The following P4HA3 variants were observed in gnomAD, a reference collection of about 807,000 sequenced individuals.
P4HA3 encodes prolyl 4-hydroxylase subunit alpha 3.
In P4HA3, 60 loss-of-function variants were observed where a neutral mutation model predicts 66.7. That is an observed-to-expected ratio of 0.90 (90% CI 0.73 to 1.12). The LOEUF is 1.12. Among genes scored for constraint, P4HA3 ranks in the 50% most tolerant of loss-of-function variants. The pLI is 0.00. For missense variants in P4HA3, 683 were observed against 685.8 expected (o/e 1.00, Z 0.05); for synonymous variants, 263 against 274.6 (o/e 0.96, Z 0.42).
chr11:74,253,048 C>T (rs1306910222), intron 15 of P4HA3, among the ~76,000 whole-genome samples: 2 of 152,162 alleles, frequency 1.3e-5, no homozygotes, highest in Admixed American at 1.3e-4. Context: ...AGAAAGTTTG[C>T]AGAAGAAATA....
At chr11:74,287,464 A>T (rs1331819233) in intron 5 of P4HA3, among the ~76,000 whole-genome samples, 2 of 152,234 alleles carry the variant, frequency 1.3e-5, no homozygotes, top group African/African-American at 2.4e-5. Flanking sequence ...CTATAAAAGC[A>T]CAAAATTTGA....
At chr11:74,295,273 G>A (rs1462604883) in intron 4 of P4HA3, among the ~76,000 whole-genome samples, 1 of 152,090 alleles carries the variant, frequency 6.6e-6, no homozygotes, top group Non-Finnish European at 1.5e-5. Flanking sequence ...GAACTAAAAT[G>A]GAAACATTGC....
chr11:74,291,748 T>A (rs529188383), intron 4 of P4HA3, among the ~76,000 whole-genome samples: 1 of 152,274 alleles, frequency 6.6e-6, no homozygotes, highest in Non-Finnish European at 1.5e-5. Flanking sequence ...GGATTACATT[T>A]ACTGATTTGC....
downstream of P4HA3, among the ~76,000 whole-genome samples, chr11:74,263,453 A>G (rs973172595): frequency 3.3e-5 from 5 of 152,214 alleles, no homozygotes; most frequent in African/African-American, 1.2e-4. Flanking sequence ...GTGACAGCAA[A>G]ATAACATGGA....
intron 12 of P4HA3, 61 bp from the exon 13 acceptor site, chr11:74,267,379 GCAGACTGGTGCGCAC>G (rs1436354105): frequency 2.5e-6 from 4 of 1,591,716 alleles, no homozygotes; most frequent in Admixed American, 3.4e-5. Context: ...CAGCAATGCT[GCAGACTGGTGCGCAC>G]TCATAGGCGC....
At chr11:74,308,647 G>A (rs1236601512) in intron 1 of P4HA3, among the ~76,000 whole-genome samples, 1 of 152,098 alleles carries the variant, frequency 6.6e-6, no homozygotes, top group African/African-American at 2.4e-5. Flanking sequence ...CTGTTCATAA[G>A]TCACCTGAGA....
intron 10 of P4HA3, among the ~76,000 whole-genome samples, chr11:74,272,210 GCA>G (rs1156540137): frequency 6.2e-5 from 5 of 80,986 alleles, no homozygotes; most frequent in African/African-American, 3.1e-4. Flanking sequence ...GAGAGTGCAT[GCA>G]CACACATACA....
At chr11:74,274,846 C>A (rs1043812451) in intron 9 of P4HA3, among the ~76,000 whole-genome samples, 11 of 152,166 alleles carry the variant, frequency 7.2e-5, no homozygotes, top group Non-Finnish European at 1.6e-4. Flanking sequence ...ATCCTCACCA[C>A]CACTTGGTAT....
In P4HA3 at chr11:74,279,363, A is replaced by G. The variant is rs544948636; in HGVS notation, c.1175+25T>C. On this transcript the variant is annotated intron_variant, in intron 8 of 12. Coordinates refer to ENST00000331597, the MANE Select transcript of P4HA3 (RefSeq NM_182904.5). ...TACGGCCCGAGGGTGGGCAGCAGGTATGACCAAGGAAGGGCCCTTCTTACC... is the reference window on the plus strand; with the variant it reads ...TACGGCCCGAGGGTGGGCAGCAGGTGTGACCAAGGAAGGGCCCTTCTTACC... 4.5e-5 allele frequency: 72 copies of G among 1,609,004 alleles called. 1 individual carries two copies. In the South Asian group the frequency reaches 7.5e-4, roughly 17 times the overall value.
chr11:74,284,875 C>T (rs1190425199), intron 7 of P4HA3, among the ~76,000 whole-genome samples: 6 of 152,152 alleles, frequency 3.9e-5, no homozygotes, highest in Non-Finnish European at 8.8e-5. Context: ...TCCCAAAGCA[C>T]ACTCACTCAA....
chr11:74,272,819 T>C (rs1860252791), intron 10 of P4HA3, among the ~76,000 whole-genome samples: 1 of 152,188 alleles, frequency 6.6e-6, no homozygotes, highest in South Asian at 2.1e-4. Context: ...TTCTAATAAG[T>C]GATTAATTCT....
chr11:74,279,301 C>T (rs553076976), intron 8 of P4HA3, 87 bp downstream of exon 8: 1 of 1,236,588 alleles, frequency 8.1e-7, no homozygotes, highest in South Asian at 1.2e-5. Context: ...CTCTGGAGGT[C>T]CCTGAATGGC....
At chr11:74,290,801 T>C (rs1860992697) in intron 4 of P4HA3, among the ~76,000 whole-genome samples, 1 of 152,224 alleles carries the variant, frequency 6.6e-6, no homozygotes, top group Non-Finnish European at 1.5e-5. Flanking sequence ...TCCATTGGTC[T>C]ATATCTCTGT....
chr11:74,259,911 T>C (rs1859881910), intron 15 of P4HA3: 1 of 152,246 alleles, frequency 6.6e-6, no homozygotes, highest in Non-Finnish European at 1.5e-5. Context: ...TTCCATTCTT[T>C]CAGATACATA....
Position 74,298,261 on chromosome 11 carries a change from T to G in P4HA3, c.668A>C (p.Glu223Ala), listed in dbSNP as rs767611321. The G allele has an allele frequency of 8.7e-6, 14 of 1,614,118 alleles. No homozygotes were observed. In the East Asian group the frequency reaches 1.3e-4, roughly 15 times the overall value. ...ATCCAAGGCATCTTCTAGACTTGCC[T>G]CATCCTCTGTCTTCCACTCTCCGTA... ...GSYGEWKTED[E>A]ASLEDALDHL... The change falls in exon 4 of 13, where the codon GAG becomes GCG. Residue 223 changes from glutamate (E) to alanine (A), a missense_variant. By Grantham distance (107) the Glu-to-Ala change is moderately radical. Transcript: ENST00000331597.
intron 10 of P4HA3, among the ~76,000 whole-genome samples, chr11:74,269,967 T>A (rs968823186): frequency 1.3e-5 from 2 of 152,166 alleles, no homozygotes; most frequent in East Asian, 1.9e-4. Flanking sequence ...CCAGCTAACA[T>A]CCTTATTGAG....
intron 10 of P4HA3, among the ~76,000 whole-genome samples, chr11:74,270,015 C>A (rs1360603054): frequency 6.6e-6 from 1 of 151,926 alleles, no homozygotes; most frequent in East Asian, 1.9e-4. Flanking sequence ...TGACTGAGAC[C>A]CTTAGGAAAA....
In P4HA3 at chr11:74,261,051, T is replaced by C. The variant is rs188303323; in HGVS notation, c.*1105-915A>G. On this transcript the variant is annotated intron_variant and NMD_transcript_variant, in intron 14 of 15. Transcript: ENST00000524388. ...CATGCCCACTGACCCACCTGTGCTA[T>C]AGCTTGTACCCGCATTCAGGGGTTC... Among the ~76,000 whole-genome samples, 574 of 152,346 alleles carry C rather than the reference T, an allele frequency of 3.8e-3. 4 individuals are homozygous for C. Among genetic ancestry groups the C allele is most frequent in the Non-Finnish European group, 6.0e-3 (408 of 68,034 alleles).
chr11:74,304,226 A>G, intron 2 of P4HA3, 44 bp downstream of exon 2: 1 of 1,604,394 alleles, frequency 6.2e-7, no homozygotes, highest in Non-Finnish European at 8.5e-7. Context: ...CCGAGTCAGG[A>G]GATAGAATCT....
Sources: gnomAD v4.1 joint callset for allele counts (sites outside exome capture counted in the v4.1 genomes callset) on GRCh38, gnomAD v4.1.1 for gene constraint, MANE v1.5 for transcripts, NCBI Gene and HGNC (gene_info 2026-07-23, HGNC 2026-07-21) for gene names.